Variants in TMEM132D observed in about 807,000 individuals in gnomAD.
The protein encoded by TMEM132D is mature OL transmembrane protein.
TMEM132D carries 21 observed loss-of-function variants against 62.3 expected under a neutral mutation model. The observed-to-expected ratio is 0.34, with a 90% CI of 0.24 to 0.49. The LOEUF (loss-of-function observed/expected upper bound fraction) is 0.49. Among genes scored for constraint, TMEM132D ranks in the 20% least tolerant of loss-of-function variants. The pLI, the probability that TMEM132D is intolerant of heterozygous loss-of-function variation, is 0.99. For missense variants in TMEM132D, 1,346 were observed against 1,402.8 expected (o/e 0.96, Z 0.65); for synonymous variants, 621 against 575.6 (o/e 1.08, Z -1.13).
chr12:129,739,363 AG>A (rs1375147713), intron 1 of TMEM132D, among the ~76,000 whole-genome samples: 13 of 152,240 alleles, frequency 8.5e-5, no homozygotes, highest in Non-Finnish European at 1.8e-4. Context: ...AGGCAAGGCG[AG>A]GGGATGGAGG....
chr12:129,183,676 G>T (rs1159474582), intron 5 of TMEM132D, among the ~76,000 whole-genome samples: 1 of 152,264 alleles, frequency 6.6e-6, no homozygotes, highest in Non-Finnish European at 1.5e-5. Context: ...CTCTTGAAGA[G>T]TCCCTAGGTC....
At chr12:129,749,747 G>A (rs1869939728) in intron 1 of TMEM132D, among the ~76,000 whole-genome samples, 1 of 152,014 alleles carries the variant, frequency 6.6e-6, no homozygotes, top group Admixed American at 6.5e-5. Context: ...TTACAGGCAT[G>A]AGCCACCGCG....
At chr12:129,497,497 C>T (rs1055481420) in intron 3 of TMEM132D, among the ~76,000 whole-genome samples, 8 of 152,012 alleles carry the variant, frequency 5.3e-5, no homozygotes, top group African/African-American at 1.9e-4. Context: ...TGCTGCTGAC[C>T]TCCAGGCACA....
intron 2 of TMEM132D, among the ~76,000 whole-genome samples, chr12:129,596,450 G>A (rs1374685982): frequency 6.6e-6 from 1 of 151,968 alleles, no homozygotes; most frequent in African/African-American, 2.4e-5. Flanking sequence ...ATATACAGTT[G>A]TCCCTTGGTA....
chr12:129,235,228 A>G (rs1252586602), intron 4 of TMEM132D, among the ~76,000 whole-genome samples: 6 of 152,188 alleles, frequency 3.9e-5, no homozygotes, highest in African/African-American at 1.4e-4. Context: ...TATTAAATTT[A>G]TGCATTTTTT....
intron 5 of TMEM132D, among the ~76,000 whole-genome samples, chr12:129,125,410 GA>G (rs1162014024): frequency 2.0e-5 from 3 of 150,370 alleles, no homozygotes; most frequent in African/African-American, 7.4e-5. Flanking sequence ...CTGTGATTAA[GA>G]AAAAATTTCC....
At chr12:129,832,992 C>G (rs563747614) in intron 1 of TMEM132D, among the ~76,000 whole-genome samples, 7 of 152,326 alleles carry the variant, frequency 4.6e-5, no homozygotes, top group African/African-American at 1.7e-4. Flanking sequence ...GAAAGTCAAC[C>G]TTGACCTACG....
At chr12:129,668,797 G>A (rs1880436961) in intron 2 of TMEM132D, among the ~76,000 whole-genome samples, 1 of 152,204 alleles carries the variant, frequency 6.6e-6, no homozygotes, top group Non-Finnish European at 1.5e-5. Context: ...CACAATTGGA[G>A]AAAGCGGTTA....
At chr12:129,195,087 TA>T (rs1260858611) in intron 5 of TMEM132D, among the ~76,000 whole-genome samples, 1 of 152,108 alleles carries the variant, frequency 6.6e-6, no homozygotes, top group Non-Finnish European at 1.5e-5. Flanking sequence ...GCTTTGGTGA[TA>T]AGTTCTATGA....
At chr12:129,884,278 TAA>T (rs1231302613) in intron 1 of TMEM132D, among the ~76,000 whole-genome samples, 2 of 152,148 alleles carry the variant, frequency 1.3e-5, no homozygotes, top group African/African-American at 2.4e-5. Flanking sequence ...GTCTTCTAAA[TAA>T]AAAGTCTTCT....
At chr12:129,111,883 G>A (rs750855441) in intron 5 of TMEM132D, among the ~76,000 whole-genome samples, 16 of 152,146 alleles carry the variant, frequency 1.1e-4, no homozygotes, top group South Asian at 2.1e-4. Context: ...TATTTAATGC[G>A]TGTATCCAGT....
chr12:129,117,270 G>A (rs1466649563), intron 5 of TMEM132D, among the ~76,000 whole-genome samples: 2 of 152,050 alleles, frequency 1.3e-5, no homozygotes, highest in Non-Finnish European at 2.9e-5. Flanking sequence ...GGGGTTCAGG[G>A]GGAGGAGGGG....
At chr12:129,202,169 C>T (rs1437443275) in intron 5 of TMEM132D, among the ~76,000 whole-genome samples, 1 of 152,124 alleles carries the variant, frequency 6.6e-6, no homozygotes, top group Non-Finnish European at 1.5e-5. Context: ...GGGCTTTTGG[C>T]TGAGGAAAGA....
chr12:129,395,285 T>G (rs7316157), intron 3 of TMEM132D, among the ~76,000 whole-genome samples: 97,900 of 152,038 alleles, frequency 0.64, 35,730 homozygotes, highest in Non-Finnish European at 0.81. Flanking sequence ...TAAAGCCACT[T>G]TGGAGAGCAA....
At chr12:129,266,702 G>A (rs575049852) in intron 4 of TMEM132D, among the ~76,000 whole-genome samples, 2 of 150,662 alleles carry the variant, frequency 1.3e-5, no homozygotes, top group South Asian at 2.1e-4. Flanking sequence ...TGAGACCAAC[G>A]TCTGTTATCT....
At chr12:129,137,210 AT>A (rs1876607854) in intron 5 of TMEM132D, among the ~76,000 whole-genome samples, 1 of 151,144 alleles carries the variant, frequency 6.6e-6, no homozygotes, top group East Asian at 2.0e-4. Flanking sequence ...CATCATCACC[AT>A]CATCATCATC....
chr12:129,377,563 G>T (rs1870817931), intron 3 of TMEM132D, among the ~76,000 whole-genome samples: 1 of 152,104 alleles, frequency 6.6e-6, no homozygotes, highest in Non-Finnish European at 1.5e-5. Context: ...CTGAGATGTT[G>T]CCCAGGGGAT....
intron 1 of TMEM132D, among the ~76,000 whole-genome samples, chr12:129,780,926 C>T (rs1355820733): frequency 3.9e-5 from 6 of 152,096 alleles, no homozygotes; most frequent in Admixed American, 2.0e-4. Flanking sequence ...CAGGAACATT[C>T]GTAGTGAATT....
At chr12:129,841,228 C>T (rs529178352) in intron 1 of TMEM132D, among the ~76,000 whole-genome samples, 1 of 152,092 alleles carries the variant, frequency 6.6e-6, no homozygotes, top group African/African-American at 2.4e-5. Flanking sequence ...CTCTACTATC[C>T]TTTTCCCCCT....
Sources: allele counts gnomAD v4.1 joint callset (sites outside exome capture counted in the v4.1 genomes callset), GRCh38; gene constraint gnomAD v4.1.1; transcripts MANE v1.5; gene names NCBI Gene and HGNC (gene_info 2026-07-23, HGNC 2026-07-21).